Variants in ASCC1 observed in about 807,000 individuals in gnomAD.
ASCC1 encodes ASC-1 complex subunit P50.
ASCC1 carries 35 observed loss-of-function variants against 46.6 expected under a neutral mutation model. The observed-to-expected ratio is 0.75, with a 90% CI of 0.57 to 0.99. The LOEUF is 0.99. Among genes scored for constraint, ASCC1 ranks in the 50% least tolerant of loss-of-function variants. The pLI is 0.00. For missense variants in ASCC1, 376 were observed against 428.7 expected, an observed-to-expected ratio of 0.88 and a Z score of 1.09; for synonymous variants, 143 against 146.6, an observed-to-expected ratio of 0.98 and a Z score of 0.18.
Position 72,152,887 on chromosome 10 carries a change from A to C in ASCC1, c.728T>G (p.Met243Arg), listed in dbSNP as rs1037435975. The C allele has an allele frequency of 6.2e-7, 1 of 1,614,168 alleles. No individual in the cohort carries two copies. The highest frequency in any genetic ancestry group is 8.5e-7 in the Non-Finnish European group (1 of 1,180,010). Reference sequence around the variant, plus strand: ...AATATACCTGTTGGAGCCATCTTTCATATGGACTTTGGCGTAAAGAACATC... The same window carrying C: ...AATATACCTGTTGGAGCCATCTTTCCTATGGACTTTGGCGTAAAGAACATC... Reference protein sequence around the residue: ...MVDVLYAKVHMKDGSNRLQEL... With the variant: ...MVDVLYAKVHRKDGSNRLQEL... Residue 243 changes from methionine (M) to arginine (R), a missense_variant, in exon 7 of 10, where the codon ATG (methionine) becomes AGG (arginine). Transcript: ENST00000672957.
intron 4 of ASCC1, among the ~76,000 whole-genome samples, chr10:72,201,695 T>C (rs1856523630): frequency 6.6e-6 from 1 of 152,098 alleles, no homozygotes; most frequent in Admixed American, 6.5e-5. Context: ...CCCAACACTT[T>C]GGGAGGCCAA....
At chr10:72,204,794 T>G (rs954607766) in intron 3 of ASCC1, among the ~76,000 whole-genome samples, 1 of 152,172 alleles carries the variant, frequency 6.6e-6, no homozygotes, top group African/African-American at 2.4e-5. Context: ...TTCCTGTGTG[T>G]TGGGATAGAG....
At chr10:72,155,626 T>C (rs1848861914) in intron 6 of ASCC1, among the ~76,000 whole-genome samples, 2 of 152,230 alleles carry the variant, frequency 1.3e-5, no homozygotes, top group Admixed American at 1.3e-4. Flanking sequence ...AGTGGTAAGA[T>C]TACAAAATGA....
chr10:72,211,576 TA>T (rs200844348), intron 2 of ASCC1, among the ~76,000 whole-genome samples: 26 of 148,336 alleles, frequency 1.8e-4, no homozygotes, highest in Admixed American at 6.7e-5. Flanking sequence ...GCTTGTCTCT[TA>T]AAAAAAAAAT....
intron 5 of ASCC1, among the ~76,000 whole-genome samples, chr10:72,195,228 C>T (rs912720263): frequency 7.0e-6 from 1 of 143,674 alleles, no homozygotes; most frequent in African/African-American, 2.5e-5. Flanking sequence ...TTCACTGACA[C>T]CTCCACCTCC....
intron 8 of ASCC1, among the ~76,000 whole-genome samples, chr10:72,132,761 T>C (rs138593434): frequency 1.3e-5 from 2 of 150,956 alleles, no homozygotes; most frequent in Non-Finnish European, 2.9e-5. Context: ...AAGTATTGCA[T>C]GCGACATACT....
intron 5 of ASCC1, chr10:72,190,354 G>A: frequency 2.2e-6 from 3 of 1,345,484 alleles, no homozygotes; most frequent in South Asian, 2.3e-5. Context: ...AATTTTTTGA[G>A]GTTATCCTCA....
intron 6 of ASCC1, among the ~76,000 whole-genome samples, chr10:72,158,551 C>A (rs760773296): frequency 1.3e-5 from 2 of 152,178 alleles, no homozygotes; most frequent in African/African-American, 4.8e-5. Flanking sequence ...GCTACAAGAG[C>A]CTTTCACTGA....
At chr10:72,111,345 G>T (rs1589193254) in intron 9 of ASCC1, among the ~76,000 whole-genome samples, 2 of 152,180 alleles carry the variant, frequency 1.3e-5, no homozygotes, top group East Asian at 3.9e-4. Context: ...AATTAGTTGG[G>T]TGTGGCAGCA....
chr10:72,203,400 A>G (rs1856775769), intron 4 of ASCC1, 27 bp downstream of exon 4: 3 of 1,526,212 alleles, frequency 2.0e-6, no homozygotes, highest in Non-Finnish European at 2.7e-6. Context: ...GTGACTTCAA[A>G]TGTAACTTAT....
chr10:72,177,573 T>C (rs1190780163), intron 5 of ASCC1, among the ~76,000 whole-genome samples: 1 of 152,220 alleles, frequency 6.6e-6, no homozygotes, highest in Non-Finnish European at 1.5e-5. Flanking sequence ...CTAGGCAGCC[T>C]GAGAAATCCC....
At chr10:72,211,160 T>C (rs1431358676) in intron 2 of ASCC1, among the ~76,000 whole-genome samples, 1 of 152,232 alleles carries the variant, frequency 6.6e-6, no homozygotes, top group Admixed American at 6.5e-5. Context: ...TGTCCAAAAC[T>C]ATTACTACAA....
At chr10:72,172,058 A>C (rs1487967570) in intron 5 of ASCC1, among the ~76,000 whole-genome samples, 4 of 152,176 alleles carry the variant, frequency 2.6e-5, no homozygotes, top group Non-Finnish European at 4.4e-5. Context: ...AAAAGCATCC[A>C]TTTGTTCTGT....
At chr10:72,215,380 C>G (rs189831948) in intron 1 of ASCC1, among the ~76,000 whole-genome samples, 139 of 152,330 alleles carry the variant, frequency 9.1e-4, no homozygotes, top group African/African-American at 3.1e-3. Context: ...GCCTGGGCGA[C>G]AGAGCGAGAC....
intron 2 of ASCC1, chr10:72,212,218 C>A: frequency 5.4e-6 from 1 of 184,394 alleles, no homozygotes; most frequent in South Asian, 7.3e-5. Flanking sequence ...GAAGATGAGG[C>A]AGGAGAATTG....
chr10:72,210,854 C>G (rs375852072), intron 2 of ASCC1, 23 bp from the exon 3 acceptor site: 3 of 1,608,756 alleles, frequency 1.9e-6, no homozygotes, highest in African/African-American at 2.7e-5. Flanking sequence ...CATCACATCT[C>G]ACTCAGAAAC....
chr10:72,118,533 A>T (rs775983909), intron 9 of ASCC1, among the ~76,000 whole-genome samples: 1 of 152,050 alleles, frequency 6.6e-6, no homozygotes, highest in African/African-American at 2.4e-5. Flanking sequence ...TAATCCTAAC[A>T]CTTCAGGAGG....
intron 7 of ASCC1, among the ~76,000 whole-genome samples, chr10:72,137,335 T>A (rs1350235336): frequency 6.6e-6 from 1 of 151,774 alleles, no homozygotes; most frequent in Non-Finnish European, 1.5e-5. Flanking sequence ...GAGATCAGCC[T>A]GGCCAACATG....
intron 5 of ASCC1, among the ~76,000 whole-genome samples, chr10:72,178,262 CT>C (rs1180218956): frequency 1.3e-5 from 2 of 152,176 alleles, no homozygotes; most frequent in Non-Finnish European, 2.9e-5. Flanking sequence ...AGACTGACCC[CT>C]AATGACCTTT....
Sources: allele counts gnomAD v4.1 joint callset (sites outside exome capture counted in the v4.1 genomes callset), GRCh38; gene constraint gnomAD v4.1.1; transcripts MANE v1.5; gene names NCBI Gene and HGNC (gene_info 2026-07-23, HGNC 2026-07-21).